Variants in VTI1A observed in about 807,000 individuals in gnomAD.
The protein encoded by VTI1A is vesicle transport through interaction with t-SNAREs homolog 1A.
Under a neutral mutation model 34.9 loss-of-function variants are expected in VTI1A, and 22 were observed. The ratio of observed to expected loss-of-function variants is 0.63; its 90% CI spans 0.45 to 0.90. VTI1A has a LOEUF of 0.90. VTI1A is among the 40% of genes least tolerant of loss of function. The pLI, the probability that VTI1A is intolerant of heterozygous loss-of-function variation, is 0.00. For synonymous variants in VTI1A, 87 were observed against 97.3 expected, an observed-to-expected ratio of 0.89 and a Z score of 0.62; for missense variants, 268 against 275.6, an observed-to-expected ratio of 0.97 and a Z score of 0.20.
At chr10:112,661,764 G>GTTT (rs34974968) in intron 5 of VTI1A, among the ~76,000 whole-genome samples, 10 of 105,934 alleles carry the variant, frequency 9.4e-5, no homozygotes, top group Middle Eastern at 5.3e-3. Context: ...CTGCTGTTAA[G>GTTT]TTTTTTTTTT....
At chr10:112,768,085 C>T (rs953823803) in intron 7 of VTI1A, among the ~76,000 whole-genome samples, 3 of 152,208 alleles carry the variant, frequency 2.0e-5, no homozygotes, top group Non-Finnish European at 2.9e-5. Context: ...GTCCCTGCCC[C>T]GCATATTCCA....
chr10:112,539,527 T>C (rs1850781251), intron 5 of VTI1A, among the ~76,000 whole-genome samples: 1 of 152,190 alleles, frequency 6.6e-6, no homozygotes, highest in African/African-American at 2.4e-5. Context: ...TCTGCCCGGA[T>C]TGGAATAAAA....
intron 3 of VTI1A, among the ~76,000 whole-genome samples, chr10:112,523,964 T>C (rs1363279602): frequency 6.6e-6 from 1 of 152,160 alleles, no homozygotes; most frequent in African/African-American, 2.4e-5. Context: ...CAGTAAATGC[T>C]TCAGTTTTAT....
At chr10:112,463,913 C>T (rs372805441) in intron 2 of VTI1A, among the ~76,000 whole-genome samples, 1 of 152,104 alleles carries the variant, frequency 6.6e-6, no homozygotes, top group African/African-American at 2.4e-5. Context: ...AGACAAGACC[C>T]GGTTGGATTG....
chr10:112,849,125 G>A, the VTI1A span, among the ~76,000 whole-genome samples: 2 of 152,182 alleles, frequency 1.3e-5, no homozygotes, highest in Non-Finnish European at 2.9e-5. Context: ...TGGTGGAATC[G>A]ACCAGTTACA....
At position 112,816,429 on chromosome 10, in the gene VTI1A, G is replaced by A. The variant is rs1274339790; in HGVS notation, c.*1046G>A. On this transcript the variant is annotated 3_prime_UTR_variant, in exon 8 of 8. Coordinates refer to ENST00000393077, the MANE Select transcript of VTI1A (RefSeq NM_145206.4). ...CCTAACCTCCTTTAAAAGAATAGAG[G>A]ATGGCAGATTGTTCCAAAAGGAATG... The A allele has an allele frequency of 4.4e-6, 1 of 224,926 alleles. No individual in the cohort carries two copies. Among genetic ancestry groups the A allele is most frequent in the Non-Finnish European group, 8.8e-6 (1 of 113,004 alleles). 13.9% of individuals were successfully genotyped at this position (224,926 alleles called of 1,614,324 possible). A position where few individuals can be genotyped will look rare whatever the true frequency, so the allele number is the denominator to read the frequency against.
At chr10:112,549,191 A>G (rs576183618) in intron 5 of VTI1A, among the ~76,000 whole-genome samples, 115 of 152,344 alleles carry the variant, frequency 7.5e-4, no homozygotes, top group African/African-American at 2.5e-3. Flanking sequence ...GCTGTTATCA[A>G]TTAAGGTAGA....
chr10:112,845,033 A>G, the VTI1A span, among the ~76,000 whole-genome samples: 1 of 152,196 alleles, frequency 6.6e-6, no homozygotes, highest in African/African-American at 2.4e-5. Context: ...ACTCCAGAGG[A>G]CTATGACCGT....
intron 7 of VTI1A, among the ~76,000 whole-genome samples, chr10:112,681,874 A>G (rs1848229561): frequency 6.6e-6 from 1 of 152,228 alleles, no homozygotes; most frequent in African/African-American, 2.4e-5. Context: ...ATTGTGGCAT[A>G]TTATTAACTT....
At chr10:112,707,891 C>T (rs1336063862) in intron 7 of VTI1A, among the ~76,000 whole-genome samples, 1 of 152,074 alleles carries the variant, frequency 6.6e-6, no homozygotes, top group Non-Finnish European at 1.5e-5. Context: ...ATGTAATTGC[C>T]TTTTAGTTTT....
At chr10:112,532,525 AACAC>A (rs377144484) in intron 4 of VTI1A, among the ~76,000 whole-genome samples, 3 of 152,186 alleles carry the variant, frequency 2.0e-5, no homozygotes, top group Non-Finnish European at 4.4e-5. Flanking sequence ...AATAATGTCA[AACAC>A]ACACACACCC....
At chr10:112,508,429 G>C (rs1849504102) in intron 3 of VTI1A, among the ~76,000 whole-genome samples, 1 of 152,036 alleles carries the variant, frequency 6.6e-6, no homozygotes, top group Non-Finnish European at 1.5e-5. Context: ...TTATAGTTTT[G>C]CCAGAAATAG....
chr10:112,490,658 T>C (rs1193694635), intron 3 of VTI1A, among the ~76,000 whole-genome samples: 1 of 151,868 alleles, frequency 6.6e-6, no homozygotes, highest in Admixed American at 6.6e-5. Context: ...CTCCTTTCCT[T>C]GATTGGCCCA....
chr10:112,684,585 C>A (rs1271766160), intron 7 of VTI1A, among the ~76,000 whole-genome samples: 1 of 152,002 alleles, frequency 6.6e-6, no homozygotes, highest in South Asian at 2.1e-4. Flanking sequence ...ATTATAGGCA[C>A]GGGCCATCAC....
chr10:112,465,454 A>C (rs1369974168), intron 3 of VTI1A, among the ~76,000 whole-genome samples: 1 of 152,216 alleles, frequency 6.6e-6, no homozygotes, highest in African/African-American at 2.4e-5. Flanking sequence ...GGTGGAATCA[A>C]CCTAAGCATC....
chr10:112,768,909 T>C (rs1364306809), intron 7 of VTI1A, among the ~76,000 whole-genome samples: 2 of 152,206 alleles, frequency 1.3e-5, no homozygotes, highest in Non-Finnish European at 2.9e-5. Context: ...TGCAAAATAA[T>C]AATAATTAGT....
Position 112,538,310 on chromosome 10 carries a change from A to G in VTI1A, c.407A>G (p.Tyr136Cys). The change falls in exon 5 of 8, where the codon TAC becomes TGC. Residue 136 changes from tyrosine to cysteine, a missense_variant. Physicochemically the swap from Tyr to Cys is radical, Grantham distance 194. Transcript: ENST00000393077. ...ERSSRRLEAGYQIAVETEQIG... is the reference protein window; with the variant it reads ...ERSSRRLEAGCQIAVETEQIG... ...TCATCTCGGAGACTAGAGGCTGGATACCAAATAGCAGTGGAAACCGGTAAG... is the reference window on the plus strand; with the variant it reads ...TCATCTCGGAGACTAGAGGCTGGATGCCAAATAGCAGTGGAAACCGGTAAG... 1.2e-6 allele frequency: 2 copies of G among 1,613,726 alleles called. No homozygotes were observed. Among genetic ancestry groups the G allele is most frequent in the East Asian group, 2.2e-5 (1 of 44,870 alleles).
chr10:112,752,506 C>G, intron 7 of VTI1A: 1 of 985,426 alleles, frequency 1.0e-6, no homozygotes, highest in Non-Finnish European at 1.2e-6. Flanking sequence ...GACCTTTGTG[C>G]TATTTGAGAA....
intron 7 of VTI1A, among the ~76,000 whole-genome samples, chr10:112,788,810 A>AT (rs557587978): frequency 2.0e-5 from 3 of 151,724 alleles, no homozygotes; most frequent in Admixed American, 6.6e-5. Flanking sequence ...TCACATATTG[A>AT]TTTTTTTTAT....
Sources: allele counts gnomAD v4.1 joint callset (sites outside exome capture counted in the v4.1 genomes callset), GRCh38; gene constraint gnomAD v4.1.1; transcripts MANE v1.5; gene names NCBI Gene and HGNC (gene_info 2026-07-23, HGNC 2026-07-21).